The following KIAA1328 variants were observed in gnomAD, a reference collection of about 807,000 sequenced individuals.
KIAA1328 encodes the protein protein hinderin.
Under a neutral mutation model 68.1 loss-of-function variants are expected in KIAA1328, and 52 were observed. The ratio of observed to expected loss-of-function variants is 0.76; its 90% CI spans 0.61 to 0.96. KIAA1328 has a LOEUF of 0.96. Among genes scored for constraint, KIAA1328 ranks in the 40% least tolerant of loss-of-function variants. The pLI is 0.00. For synonymous variants in KIAA1328, 232 were observed against 239.4 expected, an observed-to-expected ratio of 0.97 and a Z score of 0.28; for missense variants, 641 against 677.6, an observed-to-expected ratio of 0.95 and a Z score of 0.60.
chr18:37,075,626 G>A (rs1051094531), intron 7 of KIAA1328: 5 of 152,096 alleles, frequency 3.3e-5, no homozygotes, highest in African/African-American at 9.7e-5. Flanking sequence ...CAAAATAAAA[G>A]GATGGAGGAA....
rs149476675 is a variant in KIAA1328, at chr18:37,136,623, C to T, written c.1233-23577C>T. Among the ~76,000 whole-genome samples, 89 of 152,312 alleles carry T rather than the reference C, an allele frequency of 5.8e-4. 1 individual carries two copies. The East Asian group carries it at 0.015, about 26-fold the overall frequency. ...TGTCTGTGTACCTCCACATGGAAGG[C>T]ATTGCCAGGGATTCAGAGTAGAGTA... On this transcript the variant is annotated intron_variant, in intron 7 of 9. Coordinates refer to ENST00000280020, the MANE Select transcript of KIAA1328 (RefSeq NM_020776.3).
chr18:36,909,574 G>C (rs576577561), intron 5 of KIAA1328, among the ~76,000 whole-genome samples: 1 of 152,238 alleles, frequency 6.6e-6, no homozygotes, highest in South Asian at 2.1e-4. Context: ...TTGCTATTGT[G>C]AATAGTGCCA....
intron 7 of KIAA1328, among the ~76,000 whole-genome samples, chr18:37,124,394 G>A (rs751983807): frequency 4.0e-5 from 6 of 151,346 alleles, no homozygotes; most frequent in Non-Finnish European, 7.4e-5. Context: ...TCTAGTTTCC[G>A]TCATCCCTCC....
intron 7 of KIAA1328, among the ~76,000 whole-genome samples, chr18:37,068,456 T>A (rs2056420011): frequency 6.6e-6 from 1 of 152,228 alleles, no homozygotes; most frequent in African/African-American, 2.4e-5. Context: ...TATATAATGT[T>A]TCTTTACTCC....
rs59907153 is a variant in KIAA1328 at position 37,218,956 on chromosome 18, C to T, written c.1524-3061C>T. Among the ~76,000 whole-genome samples the T allele has an allele frequency of 3.1e-3, 479 of 152,292 alleles. 3 individuals carry two copies. The highest frequency in any genetic ancestry group is 0.011 in the African/African-American group (458 of 41,572). ...CTCCCCATCTTTGTGGTTTTATCTACCTTTGATCTCTGATGATGGTGACCT... is the reference window on the plus strand; with the variant it reads ...CTCCCCATCTTTGTGGTTTTATCTATCTTTGATCTCTGATGATGGTGACCT... On this transcript the variant is annotated intron_variant, in intron 9 of 9. Coordinates refer to ENST00000280020, the MANE Select transcript of KIAA1328 (RefSeq NM_020776.3).
At chr18:37,008,288 C>T (rs768954265) in intron 6 of KIAA1328, among the ~76,000 whole-genome samples, 3 of 152,182 alleles carry the variant, frequency 2.0e-5, no homozygotes, top group Non-Finnish European at 4.4e-5. Flanking sequence ...ATGCACAAAG[C>T]AGACCCAAAG....
intron 4 of KIAA1328, among the ~76,000 whole-genome samples, chr18:36,851,799 A>G (rs1485356610): frequency 6.6e-6 from 1 of 151,098 alleles, no homozygotes; most frequent in Non-Finnish European, 1.5e-5. Flanking sequence ...CTTTATTCTA[A>G]TATTTATTTT....
At chr18:36,935,096 G>C (rs997481375) in intron 5 of KIAA1328, among the ~76,000 whole-genome samples, 2 of 152,214 alleles carry the variant, frequency 1.3e-5, no homozygotes, top group East Asian at 1.9e-4. Context: ...CTAGAGCAAG[G>C]CTTGCCAAAT....
intron 9 of KIAA1328, among the ~76,000 whole-genome samples, chr18:37,199,830 C>T (rs1424468669): frequency 6.6e-6 from 1 of 152,102 alleles, no homozygotes; most frequent in African/African-American, 2.4e-5. Context: ...TTTGATTTTG[C>T]ATTTCTTTAA....
chr18:36,897,265 A>G (rs1372539267), intron 5 of KIAA1328, among the ~76,000 whole-genome samples: 2 of 152,032 alleles, frequency 1.3e-5, no homozygotes, highest in Admixed American at 6.6e-5. Flanking sequence ...CCAAATGGAG[A>G]AAGAATTCTT....
chr18:37,148,153 A>C (rs573895920), intron 7 of KIAA1328, among the ~76,000 whole-genome samples: 2 of 151,900 alleles, frequency 1.3e-5, no homozygotes, highest in South Asian at 2.1e-4. Flanking sequence ...AACAGGCCCC[A>C]CGGTGTGTTG....
intron 9 of KIAA1328, among the ~76,000 whole-genome samples, chr18:37,185,804 C>T (rs749645869): frequency 4.6e-5 from 7 of 151,450 alleles, no homozygotes; most frequent in Admixed American, 2.0e-4. Context: ...GGTATGCCCT[C>T]CCCCCCAAAA....
At position 37,066,872 on chromosome 18, in the gene KIAA1328, T is replaced by A. The variant is rs1239885676; in HGVS notation, c.577-18T>A. The A allele has an allele frequency of 6.5e-7, 1 of 1,540,012 alleles. No individual in the cohort carries two copies. Among genetic ancestry groups the A allele is most frequent in the African/African-American group, 1.4e-5 (1 of 72,576 alleles). Reference sequence around the variant, plus strand: ...TGTTGTGTTCTTATTTGACAGGTGATCTTGTGGTTCTTTCTAGGTATCCAG... The same window carrying A: ...TGTTGTGTTCTTATTTGACAGGTGAACTTGTGGTTCTTTCTAGGTATCCAG... On this transcript the variant is annotated intron_variant, in intron 6 of 9. Transcript: ENST00000280020.
chr18:37,225,312 C>T lies in KIAA1328; in HGVS notation c.*3085C>T, dbSNP rs749238786. ...CGTATGAGATTTCAAGTTAATAAAT[C>T]ATCTCTATGGCTATTTTCCCCATGT... On this transcript the variant is annotated 3_prime_UTR_variant, in exon 10 of 10. Coordinates refer to ENST00000280020, the MANE Select transcript of KIAA1328 (RefSeq NM_020776.3). The T allele has an allele frequency of 1.1e-4, 112 of 985,100 alleles. No individual in the cohort carries two copies. The highest frequency in any genetic ancestry group is 1.3e-4 in the Non-Finnish European group (111 of 829,718). 61.0% of individuals were successfully genotyped at this position (985,100 alleles called of 1,614,324 possible). A position where few individuals can be genotyped will look rare whatever the true frequency, so the allele number is the denominator to read the frequency against.
At chr18:37,027,514 A>G (rs138752126) in intron 6 of KIAA1328, among the ~76,000 whole-genome samples, 2,520 of 152,340 alleles carry the variant, frequency 0.017, 35 homozygotes, top group Non-Finnish European at 0.024. Flanking sequence ...TGGTACCAAA[A>G]CAGAAATATA....
At chr18:37,080,195 T>G (rs911045379) in intron 7 of KIAA1328, among the ~76,000 whole-genome samples, 1 of 152,182 alleles carries the variant, frequency 6.6e-6, no homozygotes, top group African/African-American at 2.4e-5. Flanking sequence ...TTGAGATCTT[T>G]CCAGAACCCA....
chr18:36,941,298 T>G (rs72888915), intron 5 of KIAA1328, among the ~76,000 whole-genome samples: 20,723 of 152,176 alleles, frequency 0.14, 1,763 homozygotes, highest in Admixed American at 0.18. Flanking sequence ...TCTAGCCTTT[T>G]TAAAAGGAGA....
intron 7 of KIAA1328, among the ~76,000 whole-genome samples, chr18:37,143,438 G>A (rs906017158): frequency 7.3e-5 from 11 of 151,094 alleles, no homozygotes; most frequent in Non-Finnish European, 1.6e-4. Context: ...GATTCCTTAG[G>A]ATATTGAAAT....
At chr18:36,891,470 CT>C (rs1568129668) in intron 5 of KIAA1328, among the ~76,000 whole-genome samples, 1 of 152,164 alleles carries the variant, frequency 6.6e-6, no homozygotes, top group Non-Finnish European at 1.5e-5. Flanking sequence ...CTCTTCCCCC[CT>C]CTGCTGAGTC....
Sources: allele counts gnomAD v4.1 joint callset (sites outside exome capture counted in the v4.1 genomes callset), GRCh38; gene constraint gnomAD v4.1.1; transcripts MANE v1.5; gene names NCBI Gene and HGNC (gene_info 2026-07-23, HGNC 2026-07-21).